Variants in B4GALT5 observed in about 807,000 individuals in gnomAD.
The protein encoded by B4GALT5 is beta-1,4-galactosyltransferase 5.
B4GALT5 carries 11 observed loss-of-function variants against 45.0 expected under a neutral mutation model. That is an observed-to-expected ratio of 0.24 (90% CI 0.15 to 0.40). B4GALT5 has a LOEUF of 0.40. Ranked by LOEUF, B4GALT5 falls within the 10% of genes least tolerant of loss-of-function variation. The pLI is 1.00. For missense variants in B4GALT5, 337 were observed against 500.2 expected (o/e 0.67, Z 3.11); for synonymous variants, 185 against 182.9 (o/e 1.01, Z -0.09).
chr20:49,642,319 T>C, intron 5 of B4GALT5, 149 bp downstream of exon 5: 2 of 642,392 alleles, frequency 3.1e-6, no homozygotes, highest in South Asian at 3.7e-5. Context: ...GAGCACAGAA[T>C]TGCTCTCTGC....
At chr20:49,666,585 A>C (rs772697953) in intron 1 of B4GALT5, among the ~76,000 whole-genome samples, 24 of 152,340 alleles carry the variant, frequency 1.6e-4, no homozygotes, top group Non-Finnish European at 3.1e-4. Context: ...TAAAGAGAAG[A>C]GAAGCAGAAA....
chr20:49,711,266 C>G (rs976447913), intron 1 of B4GALT5, among the ~76,000 whole-genome samples: 2 of 152,052 alleles, frequency 1.3e-5, no homozygotes, highest in Non-Finnish European at 2.9e-5. Flanking sequence ...TTTCAGCTAT[C>G]AGTGATATAG....
chr20:49,666,329 C>T (rs907511066), intron 1 of B4GALT5, among the ~76,000 whole-genome samples: 1 of 152,184 alleles, frequency 6.6e-6, no homozygotes, highest in Non-Finnish European at 1.5e-5. Flanking sequence ...AAGCTAGACA[C>T]AACTGACCAG....
intron 2 of B4GALT5, among the ~76,000 whole-genome samples, chr20:49,648,520 G>C (rs908625685): frequency 6.6e-6 from 1 of 152,174 alleles, no homozygotes; most frequent in Non-Finnish European, 1.5e-5. Flanking sequence ...TGGGGTGGTT[G>C]CTGGTTCTCC....
Position 49,656,442 on chromosome 20 carries a change from A to C in B4GALT5, c.250+126T>G, listed in dbSNP as rs2085643293. 5 of 1,234,718 alleles carry C rather than the reference A, an allele frequency of 4.0e-6. No homozygotes were observed. The East Asian group carries it at 1.2e-4, about 29-fold the overall frequency. The allele number at this position is 1,234,718 out of a possible 1,614,324, so 76.5% of individuals were successfully genotyped here. Reference sequence around the variant, plus strand: ...TTTGGCAAGAGCTTTTTTAGCAGTAAAGTAAAACTCAGCCAAATCCCTCTT... The same window carrying C: ...TTTGGCAAGAGCTTTTTTAGCAGTACAGTAAAACTCAGCCAAATCCCTCTT... On this transcript the variant is annotated intron_variant, in intron 2 of 8. Transcript: ENST00000371711.
chr20:49,660,720 T>A (rs2085661692), intron 1 of B4GALT5, among the ~76,000 whole-genome samples: 2 of 152,188 alleles, frequency 1.3e-5, no homozygotes, highest in Non-Finnish European at 2.9e-5. Flanking sequence ...GCGCAGTGGC[T>A]CACATCTGTA....
chr20:49,713,377 G>A (rs906482990), intron 1 of B4GALT5, among the ~76,000 whole-genome samples, 199 bp downstream of exon 1: 1 of 151,842 alleles, frequency 6.6e-6, no homozygotes, highest in Admixed American at 6.6e-5. Context: ...TGGCGCGGGA[G>A]AGGGATCCCG....
intron 1 of B4GALT5, among the ~76,000 whole-genome samples, chr20:49,662,775 C>A (rs928474787): frequency 5.9e-5 from 9 of 152,088 alleles, no homozygotes; most frequent in African/African-American, 2.2e-4. Context: ...AAACATGTTC[C>A]ATACTATAAT....
chr20:49,636,907 G>GACACACACACACACACAC (rs5841760), intron 8 of B4GALT5, among the ~76,000 whole-genome samples: 165 of 146,490 alleles, frequency 1.1e-3, no homozygotes, highest in African/African-American at 3.2e-3. Flanking sequence ...ATTTAGAAAA[G>GACACACACACACACACAC]ACACACACAC....
At chr20:49,647,178 T>C in intron 2 of B4GALT5, 100 bp from the exon 3 acceptor site, 2 of 714,918 alleles carry the variant, frequency 2.8e-6, no homozygotes, top group Admixed American at 4.8e-5. Context: ...AGCTATCATC[T>C]TGGTAGAAGG....
At chr20:49,698,625 A>C (rs2085849176) in intron 1 of B4GALT5, among the ~76,000 whole-genome samples, 1 of 151,426 alleles carries the variant, frequency 6.6e-6, no homozygotes, top group Non-Finnish European at 1.5e-5. Context: ...CACACACACA[A>C]GCATGAACCA....
At chr20:49,707,192 G>C (rs1051918845) in intron 1 of B4GALT5, among the ~76,000 whole-genome samples, 1 of 152,098 alleles carries the variant, frequency 6.6e-6, no homozygotes, top group Non-Finnish European at 1.5e-5. Context: ...CCAAGACCTG[G>C]CTTCCAATAT....
At chr20:49,683,385 ATTTTTTTTTT>A (rs66503719) in intron 1 of B4GALT5, among the ~76,000 whole-genome samples, 2 of 96,630 alleles carry the variant, frequency 2.1e-5, no homozygotes, top group African/African-American at 8.2e-5. Context: ...ACAGGTTTAA[ATTTTTTTTTT>A]TTTTTTTTTT....
At chr20:49,640,749 A>T in intron 5 of B4GALT5, 84 bp from the exon 6 acceptor site, 1 of 1,357,118 alleles carries the variant, frequency 7.4e-7, no homozygotes, top group Non-Finnish European at 9.8e-7. Context: ...CGAGTTTATT[A>T]GAACCAACTG....
At chr20:49,707,914 T>A (rs1014278907) in intron 1 of B4GALT5, among the ~76,000 whole-genome samples, 1 of 121,298 alleles carries the variant, frequency 8.2e-6, no homozygotes, top group Non-Finnish European at 1.7e-5. Flanking sequence ...TTGCCCAGCC[T>A]TTTTTTTTTT....
At chr20:49,712,603 T>C (rs796413806) in intron 1 of B4GALT5, among the ~76,000 whole-genome samples, 13 of 152,236 alleles carry the variant, frequency 8.5e-5, no homozygotes, top group African/African-American at 3.1e-4. Flanking sequence ...AAGGCCCCAA[T>C]CATATCCCCT....
chr20:49,688,900 C>T (rs1434994804), intron 1 of B4GALT5, among the ~76,000 whole-genome samples: 1 of 149,038 alleles, frequency 6.7e-6, no homozygotes, highest in Non-Finnish European at 1.5e-5. Flanking sequence ...TCGTGCCATT[C>T]CACTTCAGCC....
Position 49,655,301 on chromosome 20 carries a change from C to T in B4GALT5, c.250+1267G>A, listed in dbSNP as rs149610223. ...CAAAAGTTAGCCAGGTATGGTGGCG[C>T]ACACCTGTAACCCCAGCTACTCGGG... is the stretch of plus-strand genomic sequence containing the variant. On this transcript the variant is annotated intron_variant, in intron 2 of 8. Transcript: ENST00000371711. Among the ~76,000 whole-genome samples, 168 of 151,446 alleles carry T rather than the reference C, an allele frequency of 1.1e-3. 2 individuals are homozygous for T. In the East Asian group the frequency reaches 0.019, roughly 17 times the overall value.
intron 3 of B4GALT5, among the ~76,000 whole-genome samples, chr20:49,645,606 A>G (rs1384195371): frequency 2.0e-5 from 3 of 151,876 alleles, no homozygotes; most frequent in Non-Finnish European, 4.4e-5. Context: ...AAAATTAGCC[A>G]GGCGTGGTGG....
Sources: gnomAD v4.1 joint callset for allele counts (sites outside exome capture counted in the v4.1 genomes callset) on GRCh38, gnomAD v4.1.1 for gene constraint, MANE v1.5 for transcripts, NCBI Gene and HGNC (gene_info 2026-07-23, HGNC 2026-07-21) for gene names.